SENP1: variants seen among roughly 807,000 people sequenced by gnomAD.
SENP1 encodes the protein sentrin-specific protease 1.
A neutral mutation model predicts 93.0 loss-of-function variants in SENP1; 21 were observed. That is an observed-to-expected ratio of 0.23 (90% CI 0.16 to 0.33). SENP1 has a LOEUF of 0.33. Ranked by LOEUF, SENP1 falls within the 10% of genes least tolerant of loss-of-function variation. The pLI is 1.00. For synonymous variants in SENP1, 256 were observed against 259.6 expected (o/e 0.99, Z 0.13); for missense variants, 591 against 758.7 (o/e 0.78, Z 2.60).
chr12:48,101,893 T>C (rs899442279), intron 1 of SENP1, among the ~76,000 whole-genome samples: 1 of 152,236 alleles, frequency 6.6e-6, no homozygotes, highest in African/African-American at 2.4e-5. Context: ...TATTACCTCA[T>C]GCTAAATCAC....
rs961383772 is a variant in SENP1, at chr12:48,068,528, G to T, written c.996-1563C>A. ...AAGATAATTTCTCTTGAAAGGCTAG[G>T]ATTAGAAATCTTATCTGTCCAATTC... On this transcript the variant is annotated intron_variant, in intron 9 of 17. Transcript: ENST00000549518. 3.3e-5 allele frequency among the ~76,000 whole-genome samples: 5 copies of T among 152,204 alleles called. 1 individual carries two copies. In the East Asian group the frequency reaches 9.7e-4, roughly 29 times the overall value.
intron 6 of SENP1, among the ~76,000 whole-genome samples, chr12:48,078,559 C>T (rs1440815094): frequency 6.6e-6 from 1 of 150,672 alleles, no homozygotes. Flanking sequence ...CTTGCTCTGT[C>T]GCCCAGACTG....
intron 4 of SENP1, among the ~76,000 whole-genome samples, chr12:48,095,832 C>T (rs1288454028): frequency 6.6e-6 from 1 of 152,144 alleles, no homozygotes; most frequent in Non-Finnish European, 1.5e-5. Context: ...TGTCATGGAT[C>T]ACAAGTTAAA....
intron 13 of SENP1, among the ~76,000 whole-genome samples, chr12:48,062,729 C>T (rs1943039952): frequency 6.6e-6 from 1 of 152,132 alleles, no homozygotes; most frequent in African/African-American, 2.4e-5. Flanking sequence ...CTTTCTATGC[C>T]TTGTTTCTTT....
chr12:48,069,152 C>CAAAAAAAAAAAAAAAAAAAA (rs10564674), intron 9 of SENP1, among the ~76,000 whole-genome samples: 1 of 76,336 alleles, frequency 1.3e-5, no homozygotes, highest in African/African-American at 5.6e-5. Flanking sequence ...GACTCTGTCA[C>CAAAAAAAAAAAAAAAAAAAA]AAAAAAAAAA....
intron 4 of SENP1, among the ~76,000 whole-genome samples, chr12:48,094,115 C>T (rs900602220): frequency 1.1e-4 from 16 of 152,286 alleles, no homozygotes; most frequent in African/African-American, 3.4e-4. Flanking sequence ...TGGCTCACAC[C>T]TGTAATCTCA....
rs1317597925 is a variant in SENP1, at chr12:48,043,974, T to C, written c.*1348A>G. 6.6e-6 allele frequency: 1 copy of C among 152,476 alleles called. No individual in the cohort carries two copies. Among genetic ancestry groups the C allele is most frequent in the Non-Finnish European group, 1.5e-5 (1 of 68,024 alleles). The allele number at this position is 152,476 out of a possible 1,614,324, so 9.4% of individuals were successfully genotyped here. A position where few individuals can be genotyped will look rare whatever the true frequency, so the allele number is the denominator to read the frequency against. ...CAATACAGAAAAAAGTATAAAATGT[T>C]CCTACTTTGGAACTTAAGTACAAAA... On this transcript the variant is annotated 3_prime_UTR_variant, in exon 18 of 18. Coordinates refer to ENST00000549518, the MANE Select transcript of SENP1 (RefSeq NM_001267594.2).
At chr12:48,074,033 T>C (rs968399615) in intron 8 of SENP1, among the ~76,000 whole-genome samples, 1 of 152,224 alleles carries the variant, frequency 6.6e-6, no homozygotes, top group Non-Finnish European at 1.5e-5. Flanking sequence ...CCAAAATGGT[T>C]GGGACCAGGA....
chr12:48,056,324 AT>A (rs1338229253), intron 13 of SENP1, among the ~76,000 whole-genome samples: 69 of 79,560 alleles, frequency 8.7e-4, no homozygotes, highest in Non-Finnish European at 1.3e-3. Flanking sequence ...TATCACATAT[AT>A]AAATATTATT....
chr12:48,089,120 T>C (rs992046336), intron 4 of SENP1, 160 bp from the exon 5 acceptor site: 4 of 1,574,400 alleles, frequency 2.5e-6, no homozygotes, highest in Non-Finnish European at 3.4e-6. Flanking sequence ...AAGTCTGCAG[T>C]AGGGGAACTT....
chr12:48,045,463 T>C (rs1941295617), intron 17 of SENP1, 79 bp from the exon 18 acceptor site: 1 of 1,182,546 alleles, frequency 8.5e-7, no homozygotes, highest in African/African-American at 1.5e-5. Context: ...CTTCTTTCTT[T>C]TGCAAGGTTT....
At chr12:48,093,096 A>G (rs945142221) in intron 4 of SENP1, among the ~76,000 whole-genome samples, 2 of 152,220 alleles carry the variant, frequency 1.3e-5, no homozygotes, top group Non-Finnish European at 2.9e-5. Context: ...GGAATTTTAG[A>G]AAGATAACCT....
At chr12:48,060,697 A>T (rs1592331858) in intron 13 of SENP1, among the ~76,000 whole-genome samples, 1 of 151,938 alleles carries the variant, frequency 6.6e-6, no homozygotes, top group South Asian at 2.1e-4. Flanking sequence ...CAATCCTTAC[A>T]CCTCAGCCTC....
At chr12:48,069,076 C>T (rs534602843) in intron 9 of SENP1, among the ~76,000 whole-genome samples, 1 of 146,500 alleles carries the variant, frequency 6.8e-6, no homozygotes, top group African/African-American at 2.6e-5. Flanking sequence ...TCACTTGAAC[C>T]CGGGAGGCGG....
chr12:48,077,442 T>C (rs1404172078), intron 6 of SENP1, among the ~76,000 whole-genome samples: 1 of 152,222 alleles, frequency 6.6e-6, no homozygotes, highest in African/African-American at 2.4e-5. Flanking sequence ...TTGCATATGG[T>C]ATGAGATAAG....
At position 48,043,558 on chromosome 12, in the gene SENP1, C is replaced by A. The variant is rs1192677666; in HGVS notation, c.*1764G>T. ...TAAAAGAGAATGTGAAGGTCCCCAG[C>A]AACTCATATATAGAAAGCTATTTAT... On this transcript the variant is annotated 3_prime_UTR_variant, in exon 18 of 18. Transcript: ENST00000549518. 1 of 152,224 alleles carries A rather than the reference C, an allele frequency of 6.6e-6. No homozygotes were observed. Among genetic ancestry groups the A allele is most frequent in the African/African-American group, 2.4e-5 (1 of 41,274 alleles). The allele number at this position is 152,224 out of a possible 1,614,324, so 9.4% of individuals were successfully genotyped here. A position where few individuals can be genotyped will look rare whatever the true frequency, so the allele number is the denominator to read the frequency against.
chr12:48,052,177 G>A (rs942116997), intron 13 of SENP1, among the ~76,000 whole-genome samples: 1 of 152,152 alleles, frequency 6.6e-6, no homozygotes, highest in African/African-American at 2.4e-5. Context: ...TTCAAACTAA[G>A]GATTCAATCT....
intron 6 of SENP1, among the ~76,000 whole-genome samples, chr12:48,076,254 A>G (rs557717644): frequency 2.0e-5 from 3 of 152,332 alleles, no homozygotes; most frequent in East Asian, 3.9e-4. Context: ...TGATATTTCG[A>G]TATGTGCTGG....
chr12:48,078,354 C>T (rs60805591), intron 6 of SENP1, among the ~76,000 whole-genome samples: 31,350 of 58,702 alleles, frequency 0.53, 5,769 homozygotes, highest in East Asian at 0.67. Flanking sequence ...TATATATATA[C>T]ACACACACAC....
Sources: gnomAD v4.1 joint callset for allele counts (sites outside exome capture counted in the v4.1 genomes callset) on GRCh38, gnomAD v4.1.1 for gene constraint, MANE v1.5 for transcripts, NCBI Gene and HGNC (gene_info 2026-07-23, HGNC 2026-07-21) for gene names.